Variants in FUT8 observed in about 807,000 individuals in gnomAD.
The protein encoded by FUT8 is fucosyltransferase 8.
In FUT8, 29 loss-of-function variants were observed where a neutral mutation model predicts 71.3. That is an observed-to-expected ratio of 0.41 (90% CI 0.30 to 0.55). FUT8 has a LOEUF of 0.55. FUT8 is among the 20% of genes least tolerant of loss of function. The probability of loss-of-function intolerance (pLI) is 0.34; values close to 1 mark genes in which losing one functional copy is unlikely to be tolerated. For synonymous variants in FUT8, 254 were observed against 239.3 expected, an observed-to-expected ratio of 1.06 and a Z score of -0.57; for missense variants, 544 against 702.1, an observed-to-expected ratio of 0.77 and a Z score of 2.55.
intron 2 of FUT8, among the ~76,000 whole-genome samples, chr14:65,527,657 G>GT (rs1292040469): frequency 1.3e-5 from 2 of 152,092 alleles, no homozygotes; most frequent in Non-Finnish European, 2.9e-5. Context: ...TTTCTGCTCT[G>GT]TTTTTTCCCC....
chr14:65,655,158 GCAAAC>G (rs1016333322), intron 6 of FUT8, among the ~76,000 whole-genome samples: 2 of 151,704 alleles, frequency 1.3e-5, no homozygotes, highest in Non-Finnish European at 2.9e-5. Flanking sequence ...GATACACCAT[GCAAAC>G]AATAATCAAA....
Position 65,612,135 on chromosome 14 carries a change from G to T in FUT8, c.204-3843G>T, listed in dbSNP as rs1246002443. ...ATGGGTTGTCTTTTCTTGTTTTTTT[G>T]CAAGCCTGGTAACTTTTGTGGATTC... On this transcript the variant is annotated intron_variant, in intron 3 of 10. Coordinates refer to ENST00000673929, the MANE Select transcript of FUT8 (RefSeq NM_001371533.1). Among the ~76,000 whole-genome samples the T allele has an allele frequency of 4.6e-5, 7 of 151,742 alleles. No homozygotes were observed. The East Asian group carries it at 1.3e-3, about 29-fold the overall frequency.
chr14:65,472,874 G>C lies in FUT8; in HGVS notation c.-228+17156G>C, dbSNP rs918502385. ...GTGCTCAAATATCTTAGTAGAAATTGAAGTAGAAAAAGACATTGTTGTAAA... is the reference window on the plus strand; with the variant it reads ...GTGCTCAAATATCTTAGTAGAAATTCAAGTAGAAAAAGACATTGTTGTAAA... On this transcript the variant is annotated intron_variant, in intron 2 of 10. Coordinates refer to ENST00000673929, the MANE Select transcript of FUT8 (RefSeq NM_001371533.1). This position sits in a 1 kb window ranked among gnomAD's most constrained non-coding sequence, Gnocchi z 4.4. 6.6e-6 allele frequency among the ~76,000 whole-genome samples: 1 copy of C among 152,072 alleles called. No individual in the cohort carries two copies. Among genetic ancestry groups the C allele is most frequent in the South Asian group, 2.1e-4 (1 of 4,818 alleles).
At chr14:65,361,516 G>A in the FUT8 span, among the ~76,000 whole-genome samples, 2 of 151,208 alleles carry the variant, frequency 1.3e-5, no homozygotes, top group South Asian at 4.1e-4. Context: ...GGCCGGGTGC[G>A]GTGGCTTGCA....
intron 6 of FUT8, among the ~76,000 whole-genome samples, chr14:65,655,630 G>A (rs1346976534): frequency 1.3e-5 from 2 of 152,094 alleles, no homozygotes. Flanking sequence ...CACTTAACAG[G>A]TTTTCAAAAT....
chr14:65,439,077 A>G (rs746599652), intron 1 of FUT8, among the ~76,000 whole-genome samples: 28 of 152,176 alleles, frequency 1.8e-4, no homozygotes, highest in Non-Finnish European at 3.8e-4. Context: ...GTTCCTCTAG[A>G]GAATATGTCT....
chr14:65,734,742 A>T (rs1487251075), intron 10 of FUT8, among the ~76,000 whole-genome samples: 1 of 152,158 alleles, frequency 6.6e-6, no homozygotes, highest in African/African-American at 2.4e-5. Flanking sequence ...CTTGATGCTT[A>T]TTGTTACAAT....
intron 2 of FUT8, among the ~76,000 whole-genome samples, chr14:65,464,451 A>C (rs1455719552): frequency 6.6e-6 from 1 of 152,082 alleles, no homozygotes; most frequent in Non-Finnish European, 1.5e-5. Flanking sequence ...CTACGGGGAA[A>C]GGATCTGGTT....
At chr14:65,655,572 G>A (rs1050684250) in intron 6 of FUT8, among the ~76,000 whole-genome samples, 5 of 151,096 alleles carry the variant, frequency 3.3e-5, no homozygotes, top group South Asian at 4.2e-4. Context: ...AAGATATAAC[G>A]ATAATAAAAT....
At chr14:65,571,220 A>C in intron 3 of FUT8, among the ~76,000 whole-genome samples, 1 of 152,146 alleles carries the variant, frequency 6.6e-6, no homozygotes, top group African/African-American at 2.4e-5. Context: ...TGAACCTGTT[A>C]GGAGAAAGAC....
At chr14:65,602,428 A>T (rs1368746706) in intron 3 of FUT8, among the ~76,000 whole-genome samples, 1 of 144,542 alleles carries the variant, frequency 6.9e-6, no homozygotes, top group Admixed American at 7.0e-5. Flanking sequence ...TCATTGATTG[A>T]TGGGCATTTG....
At chr14:65,368,054 T>C in the FUT8 span, among the ~76,000 whole-genome samples, 1 of 143,638 alleles carries the variant, frequency 7.0e-6, no homozygotes, top group Non-Finnish European at 1.5e-5. Context: ...AAATTACTTT[T>C]TTTTTTTTTT....
intron 8 of FUT8, among the ~76,000 whole-genome samples, chr14:65,722,297 TTTG>T (rs150893758): frequency 0.029 from 4,451 of 152,036 alleles, 219 homozygotes; most frequent in African/African-American, 0.1. Flanking sequence ...TCTTTTGGCT[TTTG>T]TTGTTGTTAT....
At chr14:65,625,638 T>G (rs1889859084) in intron 5 of FUT8, among the ~76,000 whole-genome samples, 1 of 152,206 alleles carries the variant, frequency 6.6e-6, no homozygotes, top group African/African-American at 2.4e-5. Flanking sequence ...AGCTGCAAAG[T>G]GTCCTGTGTG....
chr14:65,668,035 AC>A (rs1892301053), intron 6 of FUT8, among the ~76,000 whole-genome samples: 1 of 152,174 alleles, frequency 6.6e-6, no homozygotes, highest in Non-Finnish European at 1.5e-5. Flanking sequence ...TAAGATTGAA[AC>A]TGGACCCCTT....
rs541513168 is a variant in FUT8 at position 65,534,226 on chromosome 14, G to A, written c.-227-27111G>A. Among the ~76,000 whole-genome samples, 16 of 152,164 alleles carry A rather than the reference G, an allele frequency of 1.1e-4. No homozygotes were observed. In the East Asian group the frequency reaches 1.4e-3, roughly 13 times the overall value. On this transcript the variant is annotated intron_variant, in intron 2 of 10. Coordinates refer to ENST00000673929, the MANE Select transcript of FUT8 (RefSeq NM_001371533.1). ...CAGCCTTAACCTCCCAGACTCAAGTGATCTTCCCACTTCAACCTCCTGAAT... is the reference window on the plus strand; with the variant it reads ...CAGCCTTAACCTCCCAGACTCAAGTAATCTTCCCACTTCAACCTCCTGAAT...
At chr14:65,358,089 C>G in the FUT8 span, among the ~76,000 whole-genome samples, 1 of 152,080 alleles carries the variant, frequency 6.6e-6, no homozygotes, top group African/African-American at 2.4e-5. Flanking sequence ...TAAAAAGTTA[C>G]AGTTAGGAAG....
At chr14:65,544,364 AC>A (rs1386221194) in intron 2 of FUT8, among the ~76,000 whole-genome samples, 1 of 152,164 alleles carries the variant, frequency 6.6e-6, no homozygotes, top group Non-Finnish European at 1.5e-5. Context: ...AGCAGGGTAA[AC>A]TGTCCATATG....
chr14:65,584,319 T>C (rs1452771188), intron 3 of FUT8, among the ~76,000 whole-genome samples: 1 of 151,968 alleles, frequency 6.6e-6, no homozygotes, highest in African/African-American at 2.4e-5. Flanking sequence ...GCTGGGATTA[T>C]AGGCGGCCAC....
Sources: gnomAD v4.1 joint callset for allele counts (sites outside exome capture counted in the v4.1 genomes callset) on GRCh38, gnomAD v4.1.1 for gene constraint, Gnocchi (gnomAD v3.1) non-coding constraint, MANE v1.5 for transcripts, NCBI Gene and HGNC (gene_info 2026-07-23, HGNC 2026-07-21) for gene names.